BAIAP2L1: variants seen among roughly 807,000 people sequenced by gnomAD.
BAIAP2L1 encodes the protein BAR/IMD domain containing adaptor protein 2 like 1, also known as BAR/IMD domain-containing adapter protein 2-like 1.
In BAIAP2L1, 35 loss-of-function variants were observed where a neutral mutation model predicts 66.3. That is an observed-to-expected ratio of 0.53 (90% CI 0.40 to 0.70). The LOEUF (loss-of-function observed/expected upper bound fraction) is 0.70. Ranked by LOEUF, BAIAP2L1 falls within the 30% of genes least tolerant of loss-of-function variation. The probability of loss-of-function intolerance (pLI) is 0.00; values close to 1 mark genes in which losing one functional copy is unlikely to be tolerated. For synonymous variants in BAIAP2L1, 269 were observed against 248.7 expected, an observed-to-expected ratio of 1.08 and a Z score of -0.77; for missense variants, 622 against 656.9, an observed-to-expected ratio of 0.95 and a Z score of 0.58.
At chr7:98,302,031 G>A (rs867744758) in intron 12 of BAIAP2L1, among the ~76,000 whole-genome samples, 13 of 152,300 alleles carry the variant, frequency 8.5e-5, no homozygotes, top group South Asian at 8.3e-4. Context: ...GGCGTGCACC[G>A]TGCGCTGGCA....
chr7:98,330,589 G>A (rs1026726779), intron 3 of BAIAP2L1, among the ~76,000 whole-genome samples: 13 of 150,806 alleles, frequency 8.6e-5, no homozygotes, highest in African/African-American at 2.2e-4. Context: ...CCCTGTAGGC[G>A]GAGGTTGCAG....
chr7:98,311,293 C>T (rs1800858667), intron 8 of BAIAP2L1, among the ~76,000 whole-genome samples: 1 of 152,048 alleles, frequency 6.6e-6, no homozygotes, highest in Non-Finnish European at 1.5e-5. Flanking sequence ...CCTGTAACCC[C>T]AGCACTTTGG....
At chr7:98,340,013 G>A (rs1434880470) in intron 3 of BAIAP2L1, among the ~76,000 whole-genome samples, 2 of 152,100 alleles carry the variant, frequency 1.3e-5, no homozygotes, top group South Asian at 2.1e-4. Context: ...GGACACTTAC[G>A]CTGTCTCCAT....
At chr7:98,332,781 C>G (rs1361084715) in intron 3 of BAIAP2L1, among the ~76,000 whole-genome samples, 1 of 136,370 alleles carries the variant, frequency 7.3e-6, no homozygotes, top group Non-Finnish European at 1.5e-5. Context: ...TGCACTCCAG[C>G]CTGGGTTACA....
At chr7:98,340,044 A>AATAT in intron 3 of BAIAP2L1, among the ~76,000 whole-genome samples, 1 of 152,312 alleles carries the variant, frequency 6.6e-6, no homozygotes, top group East Asian at 1.9e-4. Flanking sequence ...TAGGACACAC[A>AATAT]ATATACTTCA....
chr7:98,301,569 G>A (rs1028481201), intron 12 of BAIAP2L1, among the ~76,000 whole-genome samples: 3 of 151,554 alleles, frequency 2.0e-5, no homozygotes, highest in East Asian at 1.9e-4. Context: ...CGCCCACTTC[G>A]GACTCCCAAA....
At chr7:98,383,025 T>C (rs1428245392) in intron 1 of BAIAP2L1, among the ~76,000 whole-genome samples, 3 of 151,754 alleles carry the variant, frequency 2.0e-5, no homozygotes, top group Non-Finnish European at 4.4e-5. Context: ...TAGCCAAGCA[T>C]GGTAGCACGT....
intron 1 of BAIAP2L1, among the ~76,000 whole-genome samples, chr7:98,395,376 T>G (rs1469366368): frequency 1.3e-5 from 2 of 150,358 alleles, no homozygotes; most frequent in Admixed American, 1.3e-4. Flanking sequence ...GAGGTGGAGG[T>G]TGCAGTGAGC....
At chr7:98,307,628 G>A (rs748005285) in intron 10 of BAIAP2L1, 61 bp downstream of exon 10, 2 of 1,596,850 alleles carry the variant, frequency 1.3e-6, no homozygotes, top group South Asian at 1.1e-5. Context: ...TTTGCAGCTT[G>A]GCTGCTCTGG....
At chr7:98,346,363 G>A (rs969186360) in intron 3 of BAIAP2L1, among the ~76,000 whole-genome samples, 8 of 152,120 alleles carry the variant, frequency 5.3e-5, no homozygotes, top group African/African-American at 1.9e-4. Context: ...CTACAGAAAC[G>A]AAAGAAATCT....
chr7:98,313,977 T>C (rs1374446245), intron 7 of BAIAP2L1, among the ~76,000 whole-genome samples: 3 of 141,734 alleles, frequency 2.1e-5, no homozygotes, highest in African/African-American at 5.1e-5. Flanking sequence ...TACTCCTTTT[T>C]CTTCCTTTTT....
At chr7:98,346,304 A>G (rs1801872536) in intron 3 of BAIAP2L1, among the ~76,000 whole-genome samples, 1 of 152,206 alleles carries the variant, frequency 6.6e-6, no homozygotes, top group African/African-American at 2.4e-5. Context: ...ATAAAGAATG[A>G]GTCTATAAAA....
intron 1 of BAIAP2L1, among the ~76,000 whole-genome samples, chr7:98,383,496 A>G (rs1049870616): frequency 1.3e-5 from 2 of 151,986 alleles, no homozygotes; most frequent in African/African-American, 4.8e-5. Context: ...CATGTTGGTC[A>G]GGCTGGTCTC....
intron 1 of BAIAP2L1, among the ~76,000 whole-genome samples, chr7:98,382,089 CT>C (rs1383377231): frequency 6.6e-6 from 1 of 151,968 alleles, no homozygotes; most frequent in Non-Finnish European, 1.5e-5. Flanking sequence ...CCACGCCCGG[CT>C]TTTTTGTATT....
chr7:98,312,007 A>G lies in BAIAP2L1; in HGVS notation c.807+90T>C. The G allele has an allele frequency of 3.1e-6, 4 of 1,295,654 alleles. No individual in the cohort carries two copies. The South Asian group carries it at 4.4e-5, about 14-fold the overall frequency. 80.3% of individuals were successfully genotyped at this position (1,295,654 alleles called of 1,614,324 possible). A position where few individuals can be genotyped will look rare whatever the true frequency, so the allele number is the denominator to read the frequency against. The stretch of plus-strand genomic sequence containing the variant: ...GTGGTCCTGGAAGTAATAAAGGGGG[A>G]CCTGTGATTCCCACCAACACAGGCA... On this transcript the variant is annotated intron_variant, in intron 8 of 13. Coordinates refer to ENST00000005260, the MANE Select transcript of BAIAP2L1 (RefSeq NM_018842.5).
In BAIAP2L1 at chr7:98,322,107, A is replaced by G. The variant is rs540097629; in HGVS notation, c.215-1809T>C. ...TGAGACCCTGTCTCCCCGCCCCCCA[A>G]AAAAGGAATTCTAGTGGGGAACTGA... is the stretch of plus-strand genomic sequence containing the variant. On this transcript the variant is annotated intron_variant, in intron 3 of 13. Coordinates refer to ENST00000005260, the MANE Select transcript of BAIAP2L1 (RefSeq NM_018842.5). Among the ~76,000 whole-genome samples, 85 of 152,222 alleles carry G rather than the reference A, an allele frequency of 5.6e-4. 1 individual carries two copies. The highest frequency in any genetic ancestry group is 2.0e-3 in the African/African-American group (81 of 41,536).
Position 98,369,164 on chromosome 7 carries a change from G to C in BAIAP2L1, c.52-6732C>G, listed in dbSNP as rs190490579. Among the ~76,000 whole-genome samples the C allele has an allele frequency of 1.6e-4, 24 of 150,468 alleles. No homozygotes were observed. In the East Asian group the frequency reaches 4.7e-3, roughly 30 times the overall value. ...GCACACAGCTACTTTCTAATTAAAAGACAAAACTATTTTAAAGTTACTGAA... is the reference window on the plus strand; with the variant it reads ...GCACACAGCTACTTTCTAATTAAAACACAAAACTATTTTAAAGTTACTGAA... On this transcript the variant is annotated intron_variant, in intron 1 of 13. Coordinates refer to ENST00000005260, the MANE Select transcript of BAIAP2L1 (RefSeq NM_018842.5).
intron 7 of BAIAP2L1, among the ~76,000 whole-genome samples, chr7:98,313,043 A>G (rs1243010767): frequency 6.6e-6 from 1 of 151,808 alleles, no homozygotes; most frequent in Non-Finnish European, 1.5e-5. Context: ...TCAGCCTCTG[A>G]GTTTATCAAG....
chr7:98,375,446 C>T (rs1184180761), intron 1 of BAIAP2L1, among the ~76,000 whole-genome samples: 1 of 149,410 alleles, frequency 6.7e-6, no homozygotes, highest in African/African-American at 2.5e-5. Flanking sequence ...ACCTGTAGTC[C>T]CCACAAGAAT....
Sources: gnomAD v4.1 joint callset for allele counts (sites outside exome capture counted in the v4.1 genomes callset) on GRCh38, gnomAD v4.1.1 for gene constraint, MANE v1.5 for transcripts, NCBI Gene and HGNC (gene_info 2026-07-23, HGNC 2026-07-21) for gene names.